The following RAPGEF2 variants were observed in gnomAD, a reference collection of about 807,000 sequenced individuals.
The protein encoded by RAPGEF2 is Rap guanine nucleotide exchange factor 2, also known as PDZ domain containing guanine nucleotide exchange factor (GEF) 1.
Under a neutral mutation model 186.7 loss-of-function variants are expected in RAPGEF2, and 54 were observed. The observed-to-expected ratio is 0.29, with a 90% confidence interval of 0.23 to 0.36. The LOEUF is 0.36. Ranked by LOEUF, RAPGEF2 falls within the 10% of genes least tolerant of loss-of-function variation. The pLI is 1.00. For missense variants in RAPGEF2, 1,532 were observed against 2,045.0 expected (o/e 0.75, Z 4.84); for synonymous variants, 712 against 705.9 (o/e 1.01, Z -0.14).
intron 28 of RAPGEF2, 56 bp downstream of exon 28, chr4:159,354,102 T>C: frequency 7.0e-7 from 1 of 1,436,750 alleles, no homozygotes; most frequent in Non-Finnish European, 9.4e-7. Flanking sequence ...TTAATGTAAC[T>C]TATTACAATA....
chr4:159,197,528 C>T (rs1748772791), intron 3 of RAPGEF2, among the ~76,000 whole-genome samples: 1 of 152,198 alleles, frequency 6.6e-6, no homozygotes, highest in South Asian at 2.1e-4. Context: ...AAAGAGTTTT[C>T]ATAGCACTTT....
intron 9 of RAPGEF2, among the ~76,000 whole-genome samples, chr4:159,316,963 A>G (rs941109209): frequency 3.3e-5 from 5 of 152,176 alleles, no homozygotes; most frequent in Non-Finnish European, 1.5e-5. Context: ...TCCAGGGTCC[A>G]TAGCCACCCT....
At chr4:159,357,355 G>C (rs769857751) in intron 29 of RAPGEF2, among the ~76,000 whole-genome samples, 1 of 152,038 alleles carries the variant, frequency 6.6e-6, no homozygotes, top group African/African-American at 2.4e-5. Flanking sequence ...AGCAAGACCC[G>C]GTCTCTAAAA....
chr4:159,195,907 C>CT (rs1748609320), intron 3 of RAPGEF2, among the ~76,000 whole-genome samples: 1 of 105,084 alleles, frequency 9.5e-6, no homozygotes, highest in Non-Finnish European at 1.9e-5. Flanking sequence ...TTTTTTTTCC[C>CT]CAAGTAGGCT....
intron 11 of RAPGEF2, chr4:159,327,749 G>A (rs1766123985): frequency 6.6e-6 from 1 of 151,154 alleles, no homozygotes; most frequent in African/African-American, 2.4e-5. Context: ...CTATAAATTT[G>A]TTATAGCAAA....
chr4:159,215,472 C>T (rs1479807686), intron 4 of RAPGEF2, among the ~76,000 whole-genome samples: 2 of 152,208 alleles, frequency 1.3e-5, no homozygotes, highest in Non-Finnish European at 2.9e-5. Flanking sequence ...GCCACTGCAC[C>T]TGGCCTGTGC....
rs111917552 is a variant in RAPGEF2, at chr4:159,156,489, TA to T, written c.70-30145del. ...GCCTGAGGAACTTTTTTTTTGCATT[TA>T]AAAAAAATTATACTTTAAGTTCTAG... is the stretch of plus-strand genomic sequence containing the variant. On this transcript the variant is annotated intron_variant, in intron 1 of 29. Coordinates refer to ENST00000691494, the MANE Select transcript of RAPGEF2 (RefSeq NM_001394067.2). 7.9e-3 allele frequency among the ~76,000 whole-genome samples: 1,200 copies of T among 152,090 alleles called. 16 individuals are homozygous for T. The highest frequency in any genetic ancestry group is 0.027 in the African/African-American group (1,113 of 41,494).
At chr4:159,261,043 C>T (rs1313838187) in intron 7 of RAPGEF2, among the ~76,000 whole-genome samples, 1 of 151,750 alleles carries the variant, frequency 6.6e-6, no homozygotes, top group Non-Finnish European at 1.5e-5. Flanking sequence ...GCGTGAGCCA[C>T]TGTGCCCCAC....
intron 7 of RAPGEF2, among the ~76,000 whole-genome samples, chr4:159,259,650 G>A (rs1036106234): frequency 6.6e-6 from 1 of 152,042 alleles, no homozygotes; most frequent in Non-Finnish European, 1.5e-5. Context: ...TCTTTTGTAG[G>A]TATGACTGTT....
At chr4:159,123,961 T>G (rs1350361904) in intron 1 of RAPGEF2, among the ~76,000 whole-genome samples, 1 of 152,070 alleles carries the variant, frequency 6.6e-6, no homozygotes, top group Non-Finnish European at 1.5e-5. Flanking sequence ...GTTCAAGCAA[T>G]TCTTATGTCC....
chr4:159,339,874 G>C (rs1371501045), intron 19 of RAPGEF2, among the ~76,000 whole-genome samples: 1 of 152,196 alleles, frequency 6.6e-6, no homozygotes, highest in African/African-American at 2.4e-5. Context: ...ATTATGCTAT[G>C]AAATACACTT....
intron 3 of RAPGEF2, among the ~76,000 whole-genome samples, chr4:159,196,986 A>G (rs1182781965): frequency 1.3e-5 from 2 of 152,246 alleles, no homozygotes; most frequent in Admixed American, 6.5e-5. Flanking sequence ...GCTCAACTTT[A>G]CAGAATGGAA....
At chr4:159,261,455 T>C (rs746868558) in intron 7 of RAPGEF2, among the ~76,000 whole-genome samples, 24 of 152,240 alleles carry the variant, frequency 1.6e-4, no homozygotes, top group Non-Finnish European at 2.6e-4. Flanking sequence ...GAAACTATTA[T>C]GGTTAGCTGT....
At chr4:159,104,339 C>A in intron 1 of RAPGEF2, 108 bp downstream of exon 1, 1 of 515,498 alleles carries the variant, frequency 1.9e-6, no homozygotes, top group Non-Finnish European at 3.5e-6. Context: ...GAGCACCCCA[C>A]TTCTTGCATC....
chr4:159,350,004 A>G (rs1730939055), intron 25 of RAPGEF2, 133 bp from the exon 26 acceptor site: 2 of 548,444 alleles, frequency 3.6e-6, no homozygotes, highest in African/African-American at 1.9e-5. Context: ...TACAAAGAAC[A>G]TTTAGATTGT....
Position 159,330,387 on chromosome 4 carries a change from T to C in RAPGEF2, c.1356T>C (p.Asp452=), listed in dbSNP as rs753203626. ...MHLVEEHSVV[D]PTFIEDFLLT... ...TGGTGGAAGAGCATTCAGTAGTAGATCCAACATTCATAGAAGACTTTCTGT... is the reference window on the plus strand; with the variant it reads ...TGGTGGAAGAGCATTCAGTAGTAGACCCAACATTCATAGAAGACTTTCTGT... Residue 452 remains aspartate (D), a synonymous_variant, in exon 13 of 30, where the codon GAT becomes GAC. Coordinates refer to ENST00000691494, the MANE Select transcript of RAPGEF2 (RefSeq NM_001394067.2). 1.2e-6 allele frequency: 2 copies of C among 1,603,562 alleles called. No individual in the cohort carries two copies. Among genetic ancestry groups the C allele is most frequent in the East Asian group, 2.2e-5 (1 of 44,756 alleles).
chr4:159,313,054 A>G (rs558244695), intron 8 of RAPGEF2, among the ~76,000 whole-genome samples: 1 of 152,314 alleles, frequency 6.6e-6, no homozygotes, highest in South Asian at 2.1e-4. Context: ...AGGCTGAGGC[A>G]TGAGAATCGC....
At chr4:159,139,497 G>A (rs1742082884) in intron 1 of RAPGEF2, among the ~76,000 whole-genome samples, 1 of 151,754 alleles carries the variant, frequency 6.6e-6, no homozygotes, top group African/African-American at 2.4e-5. Context: ...AAAACCTTAG[G>A]CATTTTGAGC....
At chr4:159,112,626 A>G (rs1738619989) in intron 1 of RAPGEF2, among the ~76,000 whole-genome samples, 1 of 152,168 alleles carries the variant, frequency 6.6e-6, no homozygotes, top group African/African-American at 2.4e-5. Flanking sequence ...TAAAAGCAGG[A>G]GAAGAGACAC....
Sources: allele counts gnomAD v4.1 joint callset (sites outside exome capture counted in the v4.1 genomes callset), GRCh38; gene constraint gnomAD v4.1.1; transcripts MANE v1.5; gene names NCBI Gene and HGNC (gene_info 2026-07-23, HGNC 2026-07-21).